The following PLCL2 variants were observed in gnomAD, a reference collection of about 807,000 sequenced individuals.
PLCL2 encodes inactive phospholipase C-like protein 2.
PLCL2 carries 4 observed loss-of-function variants against 79.6 expected under a neutral mutation model. The observed-to-expected ratio is 0.05, with a 90% CI of 0.02 to 0.11. The LOEUF (loss-of-function observed/expected upper bound fraction) is 0.11, where lower values mean the gene tolerates loss of function less well. Among genes scored for constraint, PLCL2 ranks in the 10% least tolerant of loss-of-function variants. The pLI is 1.00. For synonymous variants in PLCL2, 484 were observed against 457.7 expected (o/e 1.06, Z -0.73); for missense variants, 895 against 1,291.0 (o/e 0.69, Z 4.70).
chr3:16,961,067 A>G, intron 1 of PLCL2, among the ~76,000 whole-genome samples: 1 of 152,206 alleles, frequency 6.6e-6, no homozygotes, highest in South Asian at 2.1e-4. Flanking sequence ...ATGTTTTCTA[A>G]ATGAAATATA....
At chr3:17,020,428 AG>A (rs1353626616) in intron 3 of PLCL2, among the ~76,000 whole-genome samples, 1 of 152,200 alleles carries the variant, frequency 6.6e-6, no homozygotes, top group Non-Finnish European at 1.5e-5. Flanking sequence ...TCTTACAGGC[AG>A]TACGGTGGTT....
chr3:16,957,687 G>A (rs939283024), intron 1 of PLCL2, among the ~76,000 whole-genome samples: 3 of 152,144 alleles, frequency 2.0e-5, no homozygotes, highest in African/African-American at 7.2e-5. Flanking sequence ...GGTCACTGAG[G>A]ACTTGCTTTA....
intron 1 of PLCL2, among the ~76,000 whole-genome samples, chr3:17,007,454 C>T (rs1369816989): frequency 6.6e-6 from 1 of 152,148 alleles, no homozygotes; most frequent in African/African-American, 2.4e-5. Flanking sequence ...TATAATGTAT[C>T]TTACAGATAC....
chr3:16,955,596 T>G (rs1244994405), intron 1 of PLCL2, among the ~76,000 whole-genome samples: 1 of 152,212 alleles, frequency 6.6e-6, no homozygotes, highest in African/African-American at 2.4e-5. Context: ...GGGATGGCAT[T>G]GAATCTATAA....
At chr3:17,063,015 A>G (rs1266478971) in intron 4 of PLCL2, among the ~76,000 whole-genome samples, 1 of 151,872 alleles carries the variant, frequency 6.6e-6, no homozygotes, top group Non-Finnish European at 1.5e-5. Context: ...CACATAAGCT[A>G]AGAGCCACAC....
rs2064740181 is a variant in PLCL2, at chr3:17,042,902, A to G, written c.3047A>G (p.Glu1016Gly). The G allele has an allele frequency of 6.2e-7, 1 of 1,612,716 alleles. No individual in the cohort carries two copies. The highest frequency in any genetic ancestry group is 8.5e-7 in the Non-Finnish European group (1 of 1,178,806). ...MMIQSLKALI[E>G]NADAVYEKIV... ...ATTCAGTCCCTCAAGGCGTTGATTG[A>G]AAATGCAGATGCTGTATATGAAAAG... The change falls in exon 4 of 6, where the codon GAA becomes GGA. Residue 1016 changes from glutamate to glycine, a missense_variant. Coordinates refer to ENST00000615277, the MANE Select transcript of PLCL2 (RefSeq NM_001144382.2).
chr3:17,063,126 C>A (rs551430020), intron 4 of PLCL2, among the ~76,000 whole-genome samples: 6 of 145,224 alleles, frequency 4.1e-5, no homozygotes, highest in African/African-American at 1.5e-4. Context: ...GAGAAACTTT[C>A]TCAGGATCAA....
intron 1 of PLCL2, among the ~76,000 whole-genome samples, chr3:16,942,974 A>G (rs989030471): frequency 2.0e-5 from 3 of 152,228 alleles, no homozygotes; most frequent in Non-Finnish European, 4.4e-5. Context: ...AATGAGCTCA[A>G]TAATTGTTTG....
chr3:16,885,298 G>A lies in PLCL2; in HGVS notation c.259G>A (p.Ala87Thr). 1.5e-6 allele frequency: 1 copy of A among 661,888 alleles called. No individual in the cohort carries two copies. Among genetic ancestry groups the A allele is most frequent in the East Asian group, 3.1e-5 (1 of 32,364 alleles). 41.0% of individuals were successfully genotyped at this position (661,888 alleles called of 1,614,324 possible). Residue 87 changes from alanine to threonine, a missense_variant, in exon 1 of 6, where the codon GCG (alanine) becomes ACG (threonine). This residue lies in a region of PLCL2 where 110 missense variants were observed against 42.9 expected (regional missense o/e 2.56). Coordinates refer to ENST00000615277, the MANE Select transcript of PLCL2 (RefSeq NM_001144382.2). ...RGVALAPTPSAVVCTLPRESK... is the reference protein window; with the variant it reads ...RGVALAPTPSTVVCTLPRESK... ...CGTTGCGCTCGCCCCGACCCCCAGC[G>A]CGGTCGTCTGTACCCTCCCCCGGGA...
At chr3:16,975,328 G>C (rs1261635944) in intron 1 of PLCL2, among the ~76,000 whole-genome samples, 1 of 152,176 alleles carries the variant, frequency 6.6e-6, no homozygotes, top group Non-Finnish European at 1.5e-5. Flanking sequence ...GCTTACTCAT[G>C]GCATAGCTCA....
chr3:16,929,756 T>G (rs9883633), intron 1 of PLCL2, among the ~76,000 whole-genome samples: 56,246 of 152,024 alleles, frequency 0.37, 10,659 homozygotes, highest in East Asian at 0.57. Context: ...AAAGGAGAAT[T>G]CTCTCTGTAT....
At chr3:17,043,658 T>C (rs963514155) in intron 4 of PLCL2, among the ~76,000 whole-genome samples, 2 of 152,102 alleles carry the variant, frequency 1.3e-5, no homozygotes, top group Non-Finnish European at 2.9e-5. Flanking sequence ...CTTTCTAAGG[T>C]TTTTTTCGTT....
At chr3:16,998,195 A>G (rs974267693) in intron 1 of PLCL2, among the ~76,000 whole-genome samples, 1 of 100,400 alleles carries the variant, frequency 1.0e-5, no homozygotes, top group African/African-American at 4.1e-5. Flanking sequence ...AAATGAGGAA[A>G]ATAATTTTTT....
chr3:17,024,673 T>A (rs1389181011), intron 3 of PLCL2, among the ~76,000 whole-genome samples: 1 of 152,196 alleles, frequency 6.6e-6, no homozygotes, highest in African/African-American at 2.4e-5. Flanking sequence ...TTATGCAGTT[T>A]GTGAGTTCCA....
At chr3:17,023,940 C>T (rs2064483346) in intron 3 of PLCL2, among the ~76,000 whole-genome samples, 1 of 152,188 alleles carries the variant, frequency 6.6e-6, no homozygotes, top group Admixed American at 6.6e-5. Flanking sequence ...TTGACACCAT[C>T]CCCATCACAC....
intron 1 of PLCL2, among the ~76,000 whole-genome samples, chr3:16,897,528 A>T (rs1394414170): frequency 6.6e-6 from 1 of 152,220 alleles, no homozygotes; most frequent in Non-Finnish European, 1.5e-5. Context: ...AGGCACTAGC[A>T]CTATTTCTAG....
intron 1 of PLCL2, among the ~76,000 whole-genome samples, chr3:16,905,281 T>C (rs1238760745): frequency 6.6e-6 from 1 of 152,178 alleles, no homozygotes; most frequent in Non-Finnish European, 1.5e-5. Context: ...ACACATGCTA[T>C]CCTAGCCTGG....
At chr3:17,030,914 C>A (rs1485655486) in intron 3 of PLCL2, among the ~76,000 whole-genome samples, 1 of 152,088 alleles carries the variant, frequency 6.6e-6, no homozygotes, top group East Asian at 1.9e-4. Context: ...GGAGAAAAGA[C>A]TTGATGTAAA....
rs188117861 is a variant in PLCL2, at chr3:16,994,088, C to T, written c.328-15586C>T. ...TGAAGCAGTTAAATTGCTTTAGTCA[C>T]TGGCAGCATATGCCACTTAAAATAC... is the stretch of plus-strand genomic sequence containing the variant. On this transcript the variant is annotated intron_variant, in intron 1 of 5. Coordinates refer to ENST00000615277, the MANE Select transcript of PLCL2 (RefSeq NM_001144382.2). 1.5e-3 allele frequency among the ~76,000 whole-genome samples: 226 copies of T among 152,316 alleles called. 1 individual carries two copies. Among genetic ancestry groups the T allele is most frequent in the Admixed American group, 4.2e-3 (65 of 15,298 alleles).
Sources: gnomAD v4.1 joint callset for allele counts (sites outside exome capture counted in the v4.1 genomes callset) on GRCh38, gnomAD v4.1.1 for gene constraint, gnomAD v4.1.1 regional missense constraint, MANE v1.5 for transcripts, NCBI Gene and HGNC (gene_info 2026-07-23, HGNC 2026-07-21) for gene names.